The following ARL15 variants were observed in gnomAD, a reference collection of about 807,000 sequenced individuals.
ARL15 encodes the protein ADP-ribosylation factor-like protein 15.
A neutral mutation model predicts 25.2 loss-of-function variants in ARL15; 19 were observed. The observed-to-expected ratio is 0.75, with a 90% CI of 0.53 to 1.10. ARL15 has a LOEUF of 1.10. Ranked by LOEUF, ARL15 falls within the 50% of genes least tolerant of loss-of-function variation. ARL15 has a pLI of 0.00. For synonymous variants in ARL15, 94 were observed against 86.8 expected (o/e 1.08, Z -0.46); for missense variants, 220 against 246.0 (o/e 0.89, Z 0.71).
chr5:54,119,477 C>T lies in ARL15; in HGVS notation c.254-6067G>A, dbSNP rs149496619. 3.1e-3 allele frequency among the ~76,000 whole-genome samples: 469 copies of T among 152,242 alleles called. 2 individuals are homozygous for T. The highest frequency in any genetic ancestry group is 8.4e-3 in the Admixed American group (128 of 15,280). ...AGTCTCAAATGAACCAAGATACTTA[C>T]CTAGAAAACTAGCACAAACTATCAC... On this transcript the variant is annotated intron_variant, in intron 3 of 4. Transcript: ENST00000504924.
chr5:54,166,672 T>C (rs989815694), intron 2 of ARL15, among the ~76,000 whole-genome samples: 2 of 152,188 alleles, frequency 1.3e-5, no homozygotes, highest in African/African-American at 4.8e-5. Flanking sequence ...AGTTGTCCCA[T>C]AGCTCGCTGG....
chr5:54,028,039 G>C (rs991841207), intron 4 of ARL15, among the ~76,000 whole-genome samples: 6 of 151,842 alleles, frequency 4.0e-5, no homozygotes, highest in Non-Finnish European at 7.4e-5. Flanking sequence ...TTCTGCCTCA[G>C]CCTCCCTAGT....
intron 4 of ARL15, among the ~76,000 whole-genome samples, chr5:53,908,507 A>G (rs1745346902): frequency 6.6e-6 from 1 of 152,200 alleles, no homozygotes; most frequent in Admixed American, 6.5e-5. Context: ...CAAATACTAC[A>G]CCATTTTCTT....
chr5:54,118,963 T>C (rs990020252), intron 3 of ARL15, among the ~76,000 whole-genome samples: 16 of 152,214 alleles, frequency 1.1e-4, no homozygotes, highest in African/African-American at 3.1e-4. Context: ...TCTGGATGTC[T>C]ATGTGACTCC....
rs117234685 is a variant in ARL15, at chr5:54,087,062, C to A, written c.462+26140G>T. 4.9e-4 allele frequency among the ~76,000 whole-genome samples: 74 copies of A among 152,068 alleles called. No individual in the cohort carries two copies. In the East Asian group the frequency reaches 0.013, roughly 26 times the overall value. On this transcript the variant is annotated intron_variant, in intron 4 of 4. Coordinates refer to ENST00000504924, the MANE Select transcript of ARL15 (RefSeq NM_019087.3). Reference sequence around the variant, plus strand: ...TGTTTAAGAACTCAGAGTCACTGGGCGTGGTGGCTCACGCCTGTAATCGCA... The same window carrying A: ...TGTTTAAGAACTCAGAGTCACTGGGAGTGGTGGCTCACGCCTGTAATCGCA...
chr5:53,925,496 C>CT (rs1447270923), intron 4 of ARL15, among the ~76,000 whole-genome samples: 1 of 152,172 alleles, frequency 6.6e-6, no homozygotes, highest in African/African-American at 2.4e-5. Flanking sequence ...TGTGCCTGGC[C>CT]TTTCATACAT....
At chr5:53,934,781 A>G (rs1198840474) in intron 4 of ARL15, among the ~76,000 whole-genome samples, 1 of 152,244 alleles carries the variant, frequency 6.6e-6, no homozygotes, top group African/African-American at 2.4e-5. Flanking sequence ...AAGTGTTCAC[A>G]CTGGGCTTCA....
At chr5:54,115,100 A>G (rs1314318104) in intron 3 of ARL15, among the ~76,000 whole-genome samples, 2 of 152,192 alleles carry the variant, frequency 1.3e-5, no homozygotes, top group Non-Finnish European at 2.9e-5. Flanking sequence ...AAGCACTGTC[A>G]CTATGGAAAT....
chr5:54,086,489 A>G (rs1396358762), intron 4 of ARL15, among the ~76,000 whole-genome samples: 1 of 151,132 alleles, frequency 6.6e-6, no homozygotes, highest in Non-Finnish European at 1.5e-5. Flanking sequence ...TTAAATAGAC[A>G]TTTACCAGAT....
Position 54,035,480 on chromosome 5 carries a change from A to G in ARL15, c.462+77722T>C, listed in dbSNP as rs191633304. 5.2e-3 allele frequency among the ~76,000 whole-genome samples: 798 copies of G among 152,342 alleles called. 3 individuals are homozygous for G. Among genetic ancestry groups the G allele is most frequent in the Admixed American group, 0.011 (174 of 15,294 alleles). ...AATTAATTAAATGTATTTATGATAT[A>G]TTAATACTTGGTCATCAGAAATGTA... On this transcript the variant is annotated intron_variant, in intron 4 of 4. Transcript: ENST00000504924.
intron 4 of ARL15, among the ~76,000 whole-genome samples, chr5:54,085,023 A>T (rs1197029708): frequency 6.6e-6 from 1 of 152,196 alleles, no homozygotes; most frequent in Admixed American, 6.5e-5. Flanking sequence ...AACAACCGTG[A>T]AATTTGAGAA....
At position 54,200,200 on chromosome 5, in the gene ARL15, C is replaced by G. The variant is rs546574603; in HGVS notation, c.49-28272G>C. Among the ~76,000 whole-genome samples, 18 of 150,698 alleles carry G rather than the reference C, an allele frequency of 1.2e-4. No individual in the cohort carries two copies. In the South Asian group the frequency reaches 2.9e-3, roughly 25 times the overall value. ...AGGAGATATACATAATGCTAGATGA[C>G]GAGTTAGTGGGTGCAGCGCACCAGC... On this transcript the variant is annotated intron_variant, in intron 1 of 4. Coordinates refer to ENST00000504924, the MANE Select transcript of ARL15 (RefSeq NM_019087.3).
intron 4 of ARL15, among the ~76,000 whole-genome samples, chr5:54,040,246 T>C (rs182575930): frequency 1.9e-4 from 29 of 152,350 alleles, no homozygotes; most frequent in Admixed American, 3.3e-4. Flanking sequence ...GTTTTAAAAG[T>C]GGTCAAGGGC....
At chr5:53,905,708 G>T (rs569738522) in intron 4 of ARL15, among the ~76,000 whole-genome samples, 62 of 151,920 alleles carry the variant, frequency 4.1e-4, no homozygotes, top group African/African-American at 1.4e-3. Context: ...TTTTTCCTTT[G>T]GTAAAATGCC....
intron 1 of ARL15, among the ~76,000 whole-genome samples, chr5:54,247,460 AACGCAT>A (rs1438771809): frequency 6.6e-6 from 1 of 152,086 alleles, no homozygotes; most frequent in Non-Finnish European, 1.5e-5. Context: ...ACACCCTATG[AACGCAT>A]ACTCTGCTAA....
chr5:54,057,879 G>A (rs1193823565), intron 4 of ARL15, among the ~76,000 whole-genome samples: 1 of 151,980 alleles, frequency 6.6e-6, no homozygotes, highest in African/African-American at 2.4e-5. Flanking sequence ...GTAAAACACA[G>A]TATGAGCCCA....
At chr5:54,013,426 T>C (rs1749308428) in intron 4 of ARL15, among the ~76,000 whole-genome samples, 1 of 152,204 alleles carries the variant, frequency 6.6e-6, no homozygotes, top group African/African-American at 2.4e-5. Flanking sequence ...AAATTTTAAC[T>C]TTGAAACAAT....
intron 4 of ARL15, among the ~76,000 whole-genome samples, chr5:54,014,326 C>T (rs1405431326): frequency 1.3e-5 from 2 of 152,098 alleles, no homozygotes; most frequent in African/African-American, 4.8e-5. Flanking sequence ...TTTTCTTCTC[C>T]TCCCTGTTAT....
At chr5:53,927,278 C>T (rs1190668293) in intron 4 of ARL15, among the ~76,000 whole-genome samples, 2 of 152,056 alleles carry the variant, frequency 1.3e-5, no homozygotes, top group Non-Finnish European at 2.9e-5. Flanking sequence ...TTGACATTAC[C>T]TATATTGCAT....
Sources: allele counts gnomAD v4.1 joint callset (sites outside exome capture counted in the v4.1 genomes callset), GRCh38; gene constraint gnomAD v4.1.1; transcripts MANE v1.5; gene names NCBI Gene and HGNC (gene_info 2026-07-23, HGNC 2026-07-21).